The following PARD6B variants were observed in gnomAD, a reference collection of about 807,000 sequenced individuals.
The protein encoded by PARD6B is partitioning defective 6 homolog beta.
PARD6B carries 4 observed loss-of-function variants against 10.5 expected under a neutral mutation model. That is an observed-to-expected ratio of 0.38 (90% CI 0.19 to 0.87). PARD6B has a LOEUF of 0.87. PARD6B is among the 40% of genes least tolerant of loss of function. The probability of loss-of-function intolerance (pLI) is 0.41; values close to 1 mark genes in which losing one functional copy is unlikely to be tolerated. For synonymous variants in PARD6B, 169 were observed against 170.4 expected (o/e 0.99, Z 0.07); for missense variants, 396 against 470.6 (o/e 0.84, Z 1.47).
Position 50,751,204 on chromosome 20 carries a change from A to G in PARD6B, c.*716A>G. ...AAGTTGGTCTTGAACTCCTGGGCTT[A>G]AGCAGTCCTGCCTCGGCTTCCCAAA... On this transcript the variant is annotated 3_prime_UTR_variant, in exon 3 of 3. Transcript: ENST00000371610. 2.2e-6 allele frequency: 2 copies of G among 897,174 alleles called. No homozygotes were observed. Among genetic ancestry groups the G allele is most frequent in the Non-Finnish European group, 2.7e-6 (2 of 750,546 alleles). The allele number at this position is 897,174 out of a possible 1,614,324, so 55.6% of individuals were successfully genotyped here.
chr20:50,738,188 T>A, intron 2 of PARD6B, 109 bp downstream of exon 2: 1 of 702,682 alleles, frequency 1.4e-6, no homozygotes, highest in Non-Finnish European at 2.2e-6. Flanking sequence ...ACATTTTGTG[T>A]GAATCTTCTT....
chr20:50,753,506 C>G lies in PARD6B; in HGVS notation c.*3018C>G. Reference sequence around the variant, plus strand: ...GTAAATTTATGATAATGTTCTCGAGCTATCAACAAAATATATGTACTTTTG... The same window carrying G: ...GTAAATTTATGATAATGTTCTCGAGGTATCAACAAAATATATGTACTTTTG... On this transcript the variant is annotated 3_prime_UTR_variant, in exon 3 of 3. Transcript: ENST00000371610. The G allele has an allele frequency of 7.3e-6, 7 of 957,126 alleles. No homozygotes were observed. Among genetic ancestry groups the G allele is most frequent in the Non-Finnish European group, 8.7e-6 (7 of 803,940 alleles). The allele number at this position is 957,126 out of a possible 1,614,324, so 59.3% of individuals were successfully genotyped here.
chr20:50,731,724 G>T lies in PARD6B; in HGVS notation c.-63G>T, dbSNP rs529340235. ...TTCCGAGATCCCCAGTCGCGCACTC[G>T]CTCCCCGCGCTCCTGAGGGGCCGCC... On this transcript the variant is annotated 5_prime_UTR_variant, in exon 1 of 3. Coordinates refer to ENST00000371610, the MANE Select transcript of PARD6B (RefSeq NM_032521.3). 7.3e-6 allele frequency: 10 copies of T among 1,361,110 alleles called. No individual in the cohort carries two copies. The highest frequency in any genetic ancestry group is 4.8e-5 in the South Asian group (3 of 62,552). The allele number at this position is 1,361,110 out of a possible 1,614,324, so 84.3% of individuals were successfully genotyped here. A position where few individuals can be genotyped will look rare whatever the true frequency, so the allele number is the denominator to read the frequency against.
chr20:50,752,805 G>C lies in PARD6B; in HGVS notation c.*2317G>C. The C allele has an allele frequency of 1.0e-6, 1 of 974,466 alleles. No homozygotes were observed. Among genetic ancestry groups the C allele is most frequent in the Non-Finnish European group, 1.2e-6 (1 of 819,610 alleles). The allele number at this position is 974,466 out of a possible 1,614,324, so 60.4% of individuals were successfully genotyped here. ...GACTCAGAATACTTCAATGTATTTT[G>C]TTCACATTACCACTAAGCATATTAT... On this transcript the variant is annotated 3_prime_UTR_variant, in exon 3 of 3. Transcript: ENST00000371610.
intron 2 of PARD6B, among the ~76,000 whole-genome samples, chr20:50,745,988 T>C (rs990360830): frequency 1.3e-5 from 2 of 152,236 alleles, no homozygotes; most frequent in Non-Finnish European, 2.9e-5. Flanking sequence ...GGGCATAATC[T>C]TGAACTTTGT....
chr20:50,742,295 C>T (rs992424938), intron 2 of PARD6B, among the ~76,000 whole-genome samples: 10 of 152,280 alleles, frequency 6.6e-5, no homozygotes, highest in Middle Eastern at 3.4e-3. Context: ...CCGCCCACCT[C>T]GGCCTCCCAA....
At chr20:50,743,680 A>G (rs2087543546) in intron 2 of PARD6B, among the ~76,000 whole-genome samples, 1 of 152,124 alleles carries the variant, frequency 6.6e-6, no homozygotes, top group South Asian at 2.1e-4. Context: ...CAAGATCAGG[A>G]GATCGAGACC....
chr20:50,734,190 A>G (rs981974757), intron 1 of PARD6B, among the ~76,000 whole-genome samples: 6 of 152,310 alleles, frequency 3.9e-5, no homozygotes, highest in East Asian at 1.9e-4. Context: ...TTGCTGATAC[A>G]TTTATTTTCA....
rs189370998 is a variant in PARD6B, at chr20:50,751,387, G to A, written c.*899G>A. On this transcript the variant is annotated 3_prime_UTR_variant, in exon 3 of 3. Coordinates refer to ENST00000371610, the MANE Select transcript of PARD6B (RefSeq NM_032521.3). ...TTTTTTTTTTTTGAGATGGAGTCTC[G>A]CTCTATCGCCCAGGCTGGAGTGCAG... 9.8e-5 allele frequency: 81 copies of A among 826,914 alleles called. No homozygotes were observed. The South Asian group carries it at 3.0e-3, about 31-fold the overall frequency. 51.2% of individuals were successfully genotyped at this position (826,914 alleles called of 1,614,324 possible). A position where few individuals can be genotyped will look rare whatever the true frequency, so the allele number is the denominator to read the frequency against.
In PARD6B at chr20:50,737,967, G is replaced by T; in HGVS notation, c.177G>T (p.Leu59Phe). Reference sequence around the variant, plus strand: ...ATAAGATCCCCAATGTTGACGTTTTGGTAGGCTATGCAGACATCCATGGAG... The same window carrying T: ...ATAAGATCCCCAATGTTGACGTTTTTGTAGGCTATGCAGACATCCATGGAG... Reference protein sequence around the residue: ...HVHKIPNVDVLVGYADIHGDL... With the variant: ...HVHKIPNVDVFVGYADIHGDL... The change falls in exon 2 of 3, where the codon TTG (leucine) becomes TTT (phenylalanine). Residue 59 changes from leucine to phenylalanine, a missense_variant. Physicochemically the swap from Leu to Phe is conservative, Grantham distance 22. This residue lies in a region of PARD6B where 208 missense variants were observed against 300.9 expected (regional missense o/e 0.69). Coordinates refer to ENST00000371610, the MANE Select transcript of PARD6B (RefSeq NM_032521.3). 2 of 1,613,208 alleles carry T rather than the reference G, an allele frequency of 1.2e-6. No individual in the cohort carries two copies. The highest frequency in any genetic ancestry group is 1.7e-6 in the Non-Finnish European group (2 of 1,179,640).
chr20:50,739,499 G>A (rs2087518951), intron 2 of PARD6B, among the ~76,000 whole-genome samples: 1 of 152,070 alleles, frequency 6.6e-6, no homozygotes, highest in African/African-American at 2.4e-5. Flanking sequence ...CTTTGAAGGT[G>A]AAAACTATTT....
Position 50,751,868 on chromosome 20 carries a change from A to AT in PARD6B, c.*1387dup, listed in dbSNP as rs1039032459. The AT allele has an allele frequency of 3.5e-6, 3 of 863,986 alleles. No individual in the cohort carries two copies. Among genetic ancestry groups the AT allele is most frequent in the Admixed American group, 6.3e-5 (1 of 15,954 alleles). 53.5% of individuals were successfully genotyped at this position (863,986 alleles called of 1,614,324 possible). A position where few individuals can be genotyped will look rare whatever the true frequency, so the allele number is the denominator to read the frequency against. On this transcript the variant is annotated 3_prime_UTR_variant, in exon 3 of 3. Transcript: ENST00000371610. ...AGGTGTGCGCCAACACGTCTGGCTT[A>AT]TTTTTTTGTATTTTTAGTAGAGATG... is the stretch of plus-strand genomic sequence containing the variant.
chr20:50,752,437 A>G lies in PARD6B; in HGVS notation c.*1949A>G. The G allele has an allele frequency of 2.0e-6, 2 of 985,642 alleles. No homozygotes were observed. Among genetic ancestry groups the G allele is most frequent in the Non-Finnish European group, 2.4e-6 (2 of 829,754 alleles). 61.1% of individuals were successfully genotyped at this position (985,642 alleles called of 1,614,324 possible). ...CCTGTGACAGGTAGAGTTTATCACT[A>G]TTAATTTTATGAGGCTATTTATTAC... is the stretch of plus-strand genomic sequence containing the variant. On this transcript the variant is annotated 3_prime_UTR_variant, in exon 3 of 3. Transcript: ENST00000371610.
At chr20:50,731,952 G>T in intron 1 of PARD6B, 100 bp downstream of exon 1, 2 of 1,063,712 alleles carry the variant, frequency 1.9e-6, no homozygotes, top group Non-Finnish European at 2.5e-6. Context: ...GACGGGCTGA[G>T]CTGCCCCGGG....
Position 50,744,105 on chromosome 20 carries a change from C to CTTTTTT in PARD6B, c.290-5535_290-5530dup, listed in dbSNP as rs753435244. On this transcript the variant is annotated intron_variant, in intron 2 of 2. Transcript: ENST00000371610. ...CCATCCAAATTTACTGAAGTAGCTT[C>CTTTTTT]TTTTTTTTTTTTTTTTTTTTTTTTC... 1.6e-3 allele frequency among the ~76,000 whole-genome samples: 125 copies of CTTTTTT among 77,802 alleles called. 3 individuals carry two copies. Among genetic ancestry groups the CTTTTTT allele is most frequent in the Non-Finnish European group, 1.9e-3 (80 of 43,172 alleles). The allele number at this position is 77,802 out of a possible 152,430, so 51.0% of individuals were successfully genotyped here.
At chr20:50,739,828 C>T (rs1472605643) in intron 2 of PARD6B, among the ~76,000 whole-genome samples, 2 of 46,190 alleles carry the variant, frequency 4.3e-5, no homozygotes. Flanking sequence ...CAGGAGCAGG[C>T]GGTAAAGAAG....
rs1193552131 is a variant in PARD6B at position 50,752,321 on chromosome 20, C to G, written c.*1833C>G. ...TTAACACATAGGACAAACTTGTGCA[C>G]TTTTTATGCCAAAAAAAAAAAAAAT... On this transcript the variant is annotated 3_prime_UTR_variant, in exon 3 of 3. Coordinates refer to ENST00000371610, the MANE Select transcript of PARD6B (RefSeq NM_032521.3). The G allele has an allele frequency of 3.2e-6, 3 of 944,020 alleles. No individual in the cohort carries two copies. The highest frequency in any genetic ancestry group is 3.7e-6 in the Non-Finnish European group (3 of 816,318). The allele number at this position is 944,020 out of a possible 1,614,324, so 58.5% of individuals were successfully genotyped here.
At position 50,752,141 on chromosome 20, in the gene PARD6B, A is replaced by G. The variant is rs1274626393; in HGVS notation, c.*1653A>G. ...AGGCAATTCTCTTGACTTTGGAAAT[A>G]TGGAAGTCTCTCCTTTAACCTATTC... On this transcript the variant is annotated 3_prime_UTR_variant, in exon 3 of 3. Transcript: ENST00000371610. 2.0e-6 allele frequency: 2 copies of G among 985,486 alleles called. No individual in the cohort carries two copies. The highest frequency in any genetic ancestry group is 2.4e-6 in the Non-Finnish European group (2 of 829,682). 61.0% of individuals were successfully genotyped at this position (985,486 alleles called of 1,614,324 possible). A position where few individuals can be genotyped will look rare whatever the true frequency, so the allele number is the denominator to read the frequency against.
Position 50,751,946 on chromosome 20 carries a change from C to A in PARD6B, c.*1458C>A, listed in dbSNP as rs185504621. The stretch of plus-strand genomic sequence containing the variant: ...CTCAAACTCCTGACCTCAAGTGATC[C>A]GCCCATCTCCTCCCAAAGTGCTGGA... On this transcript the variant is annotated 3_prime_UTR_variant, in exon 3 of 3. Coordinates refer to ENST00000371610, the MANE Select transcript of PARD6B (RefSeq NM_032521.3). 5 of 971,560 alleles carry A rather than the reference C, an allele frequency of 5.1e-6. No individual in the cohort carries two copies. The highest frequency in any genetic ancestry group is 6.1e-6 in the Non-Finnish European group (5 of 817,704). The allele number at this position is 971,560 out of a possible 1,614,324, so 60.2% of individuals were successfully genotyped here.
Sources: gnomAD v4.1 joint callset for allele counts (sites outside exome capture counted in the v4.1 genomes callset) on GRCh38, gnomAD v4.1.1 for gene constraint, gnomAD v4.1.1 regional missense constraint, MANE v1.5 for transcripts, NCBI Gene and HGNC (gene_info 2026-07-23, HGNC 2026-07-21) for gene names.